TMF1: variants seen among roughly 807,000 people sequenced by gnomAD.
TMF1 encodes the protein TATA element modulatory factor 1.
TMF1 carries 71 observed loss-of-function variants against 126.5 expected under a neutral mutation model. That is an observed-to-expected ratio of 0.56 (90% CI 0.46 to 0.68). The LOEUF is 0.68. Ranked by LOEUF, TMF1 falls within the 30% of genes least tolerant of loss-of-function variation. The pLI is 0.00. For synonymous variants in TMF1, 461 were observed against 430.5 expected (o/e 1.07, Z -0.88); for missense variants, 1,259 against 1,253.2 (o/e 1.00, Z -0.07).
intron 15 of TMF1, chr3:69,024,796 A>T (rs1233998854): frequency 7.1e-6 from 1 of 141,318 alleles, no homozygotes; most frequent in African/African-American, 2.7e-5. Flanking sequence ...GGAATGTTTC[A>T]AATTTCTTTT....
At position 69,026,039 on chromosome 3, in the gene TMF1, C is replaced by T. The variant is rs779878755; in HGVS notation, c.2816G>A (p.Ser939Asn). The change falls in exon 14 of 17, where the codon AGT becomes AAT. Residue 939 changes from serine to asparagine, a missense_variant. By Grantham distance (46) the Ser-to-Asn change is conservative. Coordinates refer to ENST00000398559, the MANE Select transcript of TMF1 (RefSeq NM_007114.3). The part of the protein sequence containing the change: ...TPTMSRSSSI[S>N]GVDMAGLQTS... ...CTGTAGTCCTGCCATATCAACACCA[C>T]TTATTGAACTTGAGCGTGACATGGT... 9 of 1,614,108 alleles carry T rather than the reference C, an allele frequency of 5.6e-6. No homozygotes were observed. The South Asian group carries it at 6.6e-5, about 12-fold the overall frequency.
chr3:69,042,798 T>C lies in TMF1; in HGVS notation c.1684+9A>G, dbSNP rs371071815. The C allele has an allele frequency of 6.0e-5, 97 of 1,608,096 alleles. No individual in the cohort carries two copies. The highest frequency in any genetic ancestry group is 5.4e-4 in the East Asian group (24 of 44,800). ...GTATTTTTCATAGTCAACCAAATAC[T>C]ATACGCACCTTCTTCCATTAACCCT... On this transcript the variant is annotated intron_variant, in intron 5 of 16. Transcript: ENST00000398559.
intron 9 of TMF1, chr3:69,033,945 C>A: frequency 3.2e-6 from 1 of 310,876 alleles, no homozygotes; most frequent in South Asian, 5.7e-5. Context: ...ATCCTCCCAG[C>A]TGGGACTACA....
intron 1 of TMF1, among the ~76,000 whole-genome samples, chr3:69,050,785 T>C (rs3772977): frequency 0.038 from 5,765 of 152,276 alleles, 337 homozygotes; most frequent in East Asian, 0.26. Flanking sequence ...TTTTCAATGA[T>C]GTAAAATTAA....
chr3:69,039,381 C>A (rs190938833), intron 6 of TMF1, among the ~76,000 whole-genome samples, 170 bp downstream of exon 6: 3 of 152,288 alleles, frequency 2.0e-5, no homozygotes, highest in East Asian at 3.9e-4. Context: ...GGATTACAGG[C>A]GTGAGCCACC....
chr3:69,024,708 G>A (rs2091757370), intron 15 of TMF1: 1 of 149,844 alleles, frequency 6.7e-6, no homozygotes, highest in South Asian at 2.1e-4. Flanking sequence ...TATAATGGGA[G>A]TTGAATTTTT....
At position 69,029,943 on chromosome 3, in the gene TMF1, A is replaced by G; in HGVS notation, c.2466T>C (p.Leu822=). 1 of 1,614,184 alleles carries G rather than the reference A, an allele frequency of 6.2e-7. No individual in the cohort carries two copies. Among genetic ancestry groups the G allele is most frequent in the African/African-American group, 1.3e-5 (1 of 75,058 alleles). ...ERERAATEEL[L]ANKIQMSSME... Reference sequence around the variant, plus strand: ...TGGAAGACATCTGAATTTTGTTAGCAAGGAGTTCTTCTGTAGCTGCACGTT... The same window carrying G: ...TGGAAGACATCTGAATTTTGTTAGCGAGGAGTTCTTCTGTAGCTGCACGTT... The change falls in exon 11 of 17, where the codon CTT becomes CTC. Residue 822 remains leucine, a synonymous_variant. Coordinates refer to ENST00000398559, the MANE Select transcript of TMF1 (RefSeq NM_007114.3).
chr3:69,029,538 G>A (rs1034066326), intron 11 of TMF1, among the ~76,000 whole-genome samples: 1 of 151,414 alleles, frequency 6.6e-6, no homozygotes, highest in Non-Finnish European at 1.5e-5. Flanking sequence ...TCCGCCTCCC[G>A]GGTGTAAGCG....
In TMF1 at chr3:69,033,562, A is replaced by T. The variant is rs1334946661; in HGVS notation, c.2387T>A (p.Leu796His). 6.2e-7 allele frequency: 1 copy of T among 1,612,868 alleles called. No individual in the cohort carries two copies. Among genetic ancestry groups the T allele is most frequent in the Non-Finnish European group, 8.5e-7 (1 of 1,179,680 alleles). ...AAAGCAGTTACCAAGCCTATCAGAA[A>T]GATTCTTCTCTAATTTCTCCCACGA... Reference protein sequence around the residue: ...TSSWEKLEKNLSDRLGESQTL... With the variant: ...TSSWEKLEKNHSDRLGESQTL... Residue 796 changes from leucine (L) to histidine (H), a missense_variant, in exon 10 of 17, where the codon CTT (leucine) becomes CAT (histidine). Transcript: ENST00000398559.
intron 16 of TMF1, 125 bp from the exon 17 acceptor site, chr3:69,023,445 T>A: frequency 1.2e-6 from 1 of 800,624 alleles, no homozygotes; most frequent in Non-Finnish European, 1.8e-6. Flanking sequence ...TCATCTCTTT[T>A]AAAAATTAAA....
chr3:69,022,085 T>G lies in TMF1; in HGVS notation c.*1092A>C, dbSNP rs147837782. ...GGTTTAAAACACAACCTGGTTACCT[T>G]TTTGAATAAAATAACATTTGGAAGA... On this transcript the variant is annotated 3_prime_UTR_variant, in exon 17 of 17. Transcript: ENST00000398559. 66 of 152,786 alleles carry G rather than the reference T, an allele frequency of 4.3e-4. 3 individuals carry two copies. The East Asian group carries it at 0.011, about 25-fold the overall frequency. The allele number at this position is 152,786 out of a possible 1,614,324, so 9.5% of individuals were successfully genotyped here.
Position 69,047,586 on chromosome 3 carries a change from A to G in TMF1, c.1119T>C (p.Ala373=), listed in dbSNP as rs2091902634. The change falls in exon 2 of 17, where the codon GCT becomes GCC. Residue 373 remains alanine (A), a synonymous_variant. Transcript: ENST00000398559. ...CATTTACTTCTTCAGATTTTCCTTC[A>G]GCAGATTCAACTGTTTTAGACTTTG... ...STPKSKTVES[A]EGKSEEVNET... The G allele has an allele frequency of 8.1e-6, 13 of 1,614,118 alleles. No individual in the cohort carries two copies. The highest frequency in any genetic ancestry group is 1.0e-5 in the Non-Finnish European group (12 of 1,180,026).
chr3:69,028,204 G>C, intron 12 of TMF1, 22 bp downstream of exon 12: 1 of 1,594,394 alleles, frequency 6.3e-7, no homozygotes, highest in Non-Finnish European at 8.6e-7. Flanking sequence ...CCTAAGAGCT[G>C]AGTGGTCACG....
At position 69,020,688 on chromosome 3, in the gene TMF1, T is replaced by G. The variant is rs182204791; in HGVS notation, c.*2489A>C. ...GAAACTGTTTAAGTTCACTTTAACT[T>G]ACAGAAGTATTGAGAGATCCAAGTG... On this transcript the variant is annotated 3_prime_UTR_variant, in exon 17 of 17. Coordinates refer to ENST00000398559, the MANE Select transcript of TMF1 (RefSeq NM_007114.3). The G allele has an allele frequency of 6.6e-6, 1 of 152,190 alleles. No individual in the cohort carries two copies. The highest frequency in any genetic ancestry group is 2.4e-5 in the African/African-American group (1 of 41,456). 9.4% of individuals were successfully genotyped at this position (152,190 alleles called of 1,614,324 possible).
At chr3:69,033,273 C>CAAAAA (rs34778745) in intron 10 of TMF1, among the ~76,000 whole-genome samples, 2 of 85,624 alleles carry the variant, frequency 2.3e-5, no homozygotes, top group African/African-American at 4.4e-5. Context: ...GACTCCATCT[C>CAAAAA]AAAAAAAAAA....
chr3:69,026,919 C>T (rs183290665), intron 13 of TMF1, among the ~76,000 whole-genome samples: 7 of 152,098 alleles, frequency 4.6e-5, no homozygotes, highest in East Asian at 1.9e-4. Flanking sequence ...ATTTACCTAT[C>T]GGTAGTTTAA....
chr3:69,044,370 T>C (rs1489100839), intron 3 of TMF1, 122 bp downstream of exon 3: 1 of 576,164 alleles, frequency 1.7e-6, no homozygotes, highest in East Asian at 3.0e-5. Context: ...TTGAAAGCTA[T>C]ACAACTTTCA....
In TMF1 at chr3:69,023,217, T is replaced by C. The variant is rs1299008449; in HGVS notation, c.3242A>G (p.Lys1081Arg). 5 of 1,611,324 alleles carry C rather than the reference T, an allele frequency of 3.1e-6. No homozygotes were observed. In the African/African-American group the frequency reaches 6.7e-5, roughly 22 times the overall value. Residue 1081 changes from lysine (K) to arginine (R), a missense_variant, in exon 17 of 17, where the codon AAA (lysine) becomes AGA (arginine). Transcript: ENST00000398559. ...LDLEDVKNMY[K>R]TQIDELLRQS... is the part of the protein sequence containing the mutation. ...TCTTAAAAGTTCATCTATTTGAGTT[T>C]TGTACATATTTTTTACATCTTCGAG... is the stretch of plus-strand genomic sequence containing the variant.
intron 11 of TMF1, among the ~76,000 whole-genome samples, chr3:69,029,145 T>C (rs1344842683): frequency 6.6e-6 from 1 of 152,016 alleles, no homozygotes; most frequent in Non-Finnish European, 1.5e-5. Context: ...GCAATTCTCC[T>C]GCCTCAGCCT....
Sources: gnomAD v4.1 joint callset for allele counts (sites outside exome capture counted in the v4.1 genomes callset) on GRCh38, gnomAD v4.1.1 for gene constraint, MANE v1.5 for transcripts, NCBI Gene and HGNC (gene_info 2026-07-23, HGNC 2026-07-21) for gene names.